Variants in HS6ST3 observed in about 807,000 individuals in gnomAD.
The protein encoded by HS6ST3 is heparan sulfate 6-O-sulfotransferase 3, also known as heparan-sulfate 6-O-sulfotransferase 3.
A neutral mutation model predicts 36.7 loss-of-function variants in HS6ST3; 12 were observed. The observed-to-expected ratio is 0.33, with a 90% CI of 0.21 to 0.53. The LOEUF is 0.53. Ranked by LOEUF, HS6ST3 falls within the 20% of genes least tolerant of loss-of-function variation. The pLI, the probability that HS6ST3 is intolerant of heterozygous loss-of-function variation, is 0.95. For missense variants in HS6ST3, 584 were observed against 640.9 expected (o/e 0.91, Z 0.96); for synonymous variants, 240 against 257.5 (o/e 0.93, Z 0.65).
intron 1 of HS6ST3, among the ~76,000 whole-genome samples, chr13:96,141,352 T>A (rs2054031143): frequency 6.6e-6 from 1 of 151,728 alleles, no homozygotes; most frequent in Non-Finnish European, 1.5e-5. Flanking sequence ...GGACTTTTTT[T>A]TTCTCTTTTA....
chr13:96,431,203 C>G (rs1452750492), intron 1 of HS6ST3, among the ~76,000 whole-genome samples: 1 of 146,156 alleles, frequency 6.8e-6, no homozygotes, highest in African/African-American at 2.6e-5. Flanking sequence ...GACCTTGTCT[C>G]TAAAACAAAA....
At chr13:96,753,750 T>C (rs1876756905) in intron 1 of HS6ST3, among the ~76,000 whole-genome samples, 1 of 152,210 alleles carries the variant, frequency 6.6e-6, no homozygotes, top group African/African-American at 2.4e-5. Flanking sequence ...TAGAAGCAGA[T>C]AGTGGACATA....
At chr13:96,196,905 A>G (rs1421935769) in intron 1 of HS6ST3, among the ~76,000 whole-genome samples, 1 of 152,204 alleles carries the variant, frequency 6.6e-6, no homozygotes, top group East Asian at 1.9e-4. Context: ...TTTGTTTTTC[A>G]GAGTTAGGAA....
chr13:96,313,221 T>A (rs2054950648), intron 1 of HS6ST3, among the ~76,000 whole-genome samples: 1 of 152,030 alleles, frequency 6.6e-6, no homozygotes, highest in South Asian at 2.1e-4. Flanking sequence ...TTGCTTTCTA[T>A]TATTTTAGGA....
chr13:96,106,357 T>C (rs2053841577), intron 1 of HS6ST3, among the ~76,000 whole-genome samples: 1 of 151,740 alleles, frequency 6.6e-6, no homozygotes. Context: ...GTCTGTCTCT[T>C]GCTCTCTCTC....
intron 1 of HS6ST3, among the ~76,000 whole-genome samples, chr13:96,292,844 A>C (rs957137995): frequency 6.6e-6 from 1 of 152,116 alleles, no homozygotes; most frequent in Non-Finnish European, 1.5e-5. Context: ...CACATTTTAC[A>C]GTGAAAATTC....
intron 1 of HS6ST3, among the ~76,000 whole-genome samples, chr13:96,138,063 G>C (rs1267333126): frequency 6.6e-6 from 1 of 152,162 alleles, no homozygotes; most frequent in Non-Finnish European, 1.5e-5. Context: ...TTTTAGACCA[G>C]TAGGGTAAAG....
intron 1 of HS6ST3, among the ~76,000 whole-genome samples, chr13:96,202,656 A>G (rs1481580473): frequency 6.6e-6 from 1 of 152,110 alleles, no homozygotes; most frequent in Non-Finnish European, 1.5e-5. Context: ...GTTTCTCTCC[A>G]TCATCTTGAC....
intron 1 of HS6ST3, among the ~76,000 whole-genome samples, chr13:96,302,272 A>G (rs1366242524): frequency 6.6e-6 from 1 of 152,184 alleles, no homozygotes; most frequent in African/African-American, 2.4e-5. Flanking sequence ...ATGTACAAAA[A>G]GATCCATTGT....
chr13:96,314,353 G>T (rs1237496859), intron 1 of HS6ST3, among the ~76,000 whole-genome samples: 1 of 151,984 alleles, frequency 6.6e-6, no homozygotes, highest in Non-Finnish European at 1.5e-5. Flanking sequence ...TTATCTATAC[G>T]CTTTACTAAG....
intron 1 of HS6ST3, among the ~76,000 whole-genome samples, chr13:96,261,148 ATATT>A (rs1384822587): frequency 1.3e-5 from 2 of 151,992 alleles, no homozygotes; most frequent in Admixed American, 6.6e-5. Context: ...TAAAAGTTTT[ATATT>A]TAGTTTCACA....
At chr13:96,325,438 TACG>T (rs1292674473) in intron 1 of HS6ST3, among the ~76,000 whole-genome samples, 3 of 152,018 alleles carry the variant, frequency 2.0e-5, no homozygotes, top group Admixed American at 1.3e-4. Flanking sequence ...AAAATAACAA[TACG>T]ACAATAAAAA....
intron 1 of HS6ST3, among the ~76,000 whole-genome samples, chr13:96,740,383 G>A (rs1259218635): frequency 1.3e-5 from 2 of 152,144 alleles, no homozygotes; most frequent in Non-Finnish European, 2.9e-5. Context: ...GGGGACAAAT[G>A]AGGAAGGGAA....
chr13:96,134,244 T>A (rs1309149962), intron 1 of HS6ST3, among the ~76,000 whole-genome samples: 2 of 152,134 alleles, frequency 1.3e-5, no homozygotes, highest in African/African-American at 4.8e-5. Flanking sequence ...AAACTTTTTT[T>A]ATATTTGTCT....
At chr13:96,467,882 A>G (rs1043610323) in intron 1 of HS6ST3, among the ~76,000 whole-genome samples, 6 of 152,164 alleles carry the variant, frequency 3.9e-5, no homozygotes, top group Admixed American at 3.9e-4. Context: ...TACCCAGTAC[A>G]CGTGTGGCAT....
In HS6ST3 at chr13:96,735,683, A is replaced by G. The variant is rs532609991; in HGVS notation, c.708-96807A>G. Among the ~76,000 whole-genome samples, 19 of 152,252 alleles carry G rather than the reference A, an allele frequency of 1.2e-4. No homozygotes were observed. In the East Asian group the frequency reaches 2.7e-3, roughly 22 times the overall value. ...ACCAATGGAAACTGTGCTCTTTTGTATCATATACTAAGCAATTAAAAATGA... is the reference window on the plus strand; with the variant it reads ...ACCAATGGAAACTGTGCTCTTTTGTGTCATATACTAAGCAATTAAAAATGA... On this transcript the variant is annotated intron_variant, in intron 1 of 1. Coordinates refer to ENST00000376705, the MANE Select transcript of HS6ST3 (RefSeq NM_153456.4).
chr13:96,532,428 A>T (rs990178069), intron 1 of HS6ST3, among the ~76,000 whole-genome samples: 1 of 152,204 alleles, frequency 6.6e-6, no homozygotes, highest in Non-Finnish European at 1.5e-5. Context: ...ATAATGAAAC[A>T]CTTGAGGTCT....
intron 1 of HS6ST3, among the ~76,000 whole-genome samples, chr13:96,141,160 C>T (rs1050735805): frequency 2.0e-4 from 30 of 152,238 alleles, no homozygotes; most frequent in African/African-American, 6.7e-4. Flanking sequence ...CAAATGCAGT[C>T]GGGTTTGTGA....
At chr13:96,346,241 G>A (rs1275112600) in intron 1 of HS6ST3, among the ~76,000 whole-genome samples, 1 of 152,156 alleles carries the variant, frequency 6.6e-6, no homozygotes, top group Non-Finnish European at 1.5e-5. Context: ...GTTATCTATT[G>A]GAACTAGTTG....
Sources: gnomAD v4.1 joint callset for allele counts (sites outside exome capture counted in the v4.1 genomes callset) on GRCh38, gnomAD v4.1.1 for gene constraint, MANE v1.5 for transcripts, NCBI Gene and HGNC (gene_info 2026-07-23, HGNC 2026-07-21) for gene names.